Variants in CDH20 observed in about 807,000 individuals in gnomAD.
CDH20 encodes the protein cadherin 20, also known as cadherin-20.
A neutral mutation model predicts 74.2 loss-of-function variants in CDH20; 29 were observed. That is an observed-to-expected ratio of 0.39 (90% CI 0.29 to 0.53). The LOEUF (loss-of-function observed/expected upper bound fraction) is 0.53, where lower values mean the gene tolerates loss of function less well. Among genes scored for constraint, CDH20 ranks in the 20% least tolerant of loss-of-function variants. CDH20 has a pLI of 0.69. For missense variants in CDH20, 988 were observed against 1,048.3 expected (o/e 0.94, Z 0.79); for synonymous variants, 469 against 405.4 (o/e 1.16, Z -1.88).
chr18:61,440,760 C>T (rs1909002332), intron 1 of CDH20, among the ~76,000 whole-genome samples: 1 of 152,138 alleles, frequency 6.6e-6, no homozygotes, highest in South Asian at 2.1e-4. Flanking sequence ...CAGGCTTGTT[C>T]TCATGGTGTG....
Position 61,401,631 on chromosome 18 carries a change from A to G in CDH20, c.-153+67804A>G, listed in dbSNP as rs545981276. ...AGTCTATAAGTAATGTTGATTTTCCATGTTCATTGTTCCTAATGTTGCAGA... is the reference window on the plus strand; with the variant it reads ...AGTCTATAAGTAATGTTGATTTTCCGTGTTCATTGTTCCTAATGTTGCAGA... On this transcript the variant is annotated intron_variant, in intron 1 of 11. Coordinates refer to ENST00000262717, the MANE Select transcript of CDH20 (RefSeq NM_031891.4). Among the ~76,000 whole-genome samples, 14 of 152,338 alleles carry G rather than the reference A, an allele frequency of 9.2e-5. 1 individual carries two copies. The East Asian group carries it at 9.6e-4, about 10-fold the overall frequency.
chr18:61,523,005 G>A (rs1912265153), intron 6 of CDH20, among the ~76,000 whole-genome samples: 1 of 152,108 alleles, frequency 6.6e-6, no homozygotes, highest in Non-Finnish European at 1.5e-5. Flanking sequence ...ATAGGCATGG[G>A]CAAAGGCTTT....
chr18:61,462,197 AAAG>A (rs935252704), intron 1 of CDH20, among the ~76,000 whole-genome samples: 20 of 152,220 alleles, frequency 1.3e-4, no homozygotes, highest in Non-Finnish European at 2.5e-4. Flanking sequence ...TCACCATTAA[AAAG>A]AAGAAGACTG....
chr18:61,384,672 T>C (rs1045260734), intron 1 of CDH20, among the ~76,000 whole-genome samples: 9 of 152,248 alleles, frequency 5.9e-5, no homozygotes, highest in African/African-American at 1.7e-4. Flanking sequence ...ATTCATGGCT[T>C]AGCCCCAAAT....
At chr18:61,390,625 C>T (rs920478129) in intron 1 of CDH20, among the ~76,000 whole-genome samples, 2 of 152,064 alleles carry the variant, frequency 1.3e-5, no homozygotes, top group Non-Finnish European at 2.9e-5. Context: ...GAATCTGGCA[C>T]AGGGGATGAG....
chr18:61,401,058 A>G (rs1436275438), intron 1 of CDH20, among the ~76,000 whole-genome samples: 1 of 152,212 alleles, frequency 6.6e-6, no homozygotes, highest in Non-Finnish European at 1.5e-5. Flanking sequence ...TACCTCTGGC[A>G]TATCAAACTA....
intron 1 of CDH20, among the ~76,000 whole-genome samples, chr18:61,412,710 A>T (rs1269383686): frequency 6.6e-6 from 1 of 152,206 alleles, no homozygotes; most frequent in African/African-American, 2.4e-5. Flanking sequence ...TATTGCTTTA[A>T]ATAGTTCATC....
At chr18:61,426,408 G>A (rs546555972) in intron 1 of CDH20, among the ~76,000 whole-genome samples, 2 of 152,206 alleles carry the variant, frequency 1.3e-5, no homozygotes, top group South Asian at 4.2e-4. Flanking sequence ...AAGCCTTAGG[G>A]GAGAAGGATT....
intron 2 of CDH20, among the ~76,000 whole-genome samples, chr18:61,494,076 G>A (rs1277193071): frequency 1.3e-5 from 2 of 152,208 alleles, no homozygotes; most frequent in African/African-American, 4.8e-5. Flanking sequence ...GCTGTGAGGT[G>A]AGTATAACAC....
chr18:61,381,513 A>G (rs1445210704), intron 1 of CDH20, among the ~76,000 whole-genome samples: 1 of 152,218 alleles, frequency 6.6e-6, no homozygotes, highest in Non-Finnish European at 1.5e-5. Flanking sequence ...CCTTCTTTGA[A>G]TAGAGAGGTA....
intron 6 of CDH20, among the ~76,000 whole-genome samples, chr18:61,523,620 G>A (rs1030783103): frequency 4.6e-5 from 7 of 152,246 alleles, no homozygotes; most frequent in Admixed American, 3.9e-4. Context: ...ACATGCACAC[G>A]TATGTTTATT....
chr18:61,407,449 T>C (rs990315494), intron 1 of CDH20, among the ~76,000 whole-genome samples: 3 of 152,196 alleles, frequency 2.0e-5, no homozygotes, highest in Non-Finnish European at 2.9e-5. Flanking sequence ...TTCCTTCTAT[T>C]TTCAACAACA....
intron 11 of CDH20, among the ~76,000 whole-genome samples, chr18:61,553,406 G>A (rs1411613713): frequency 2.0e-5 from 3 of 152,148 alleles, no homozygotes; most frequent in Admixed American, 6.5e-5. Flanking sequence ...GGGGAAAAAT[G>A]CATTTGTTGG....
At chr18:61,413,325 GA>G (rs148038256) in intron 1 of CDH20, among the ~76,000 whole-genome samples, 10,315 of 152,146 alleles carry the variant, frequency 0.068, 472 homozygotes, top group East Asian at 0.12. Flanking sequence ...CCTGGCCTTG[GA>G]ATGCAATCAT....
At chr18:61,464,211 AG>A (rs1483031840) in intron 1 of CDH20, among the ~76,000 whole-genome samples, 1 of 152,120 alleles carries the variant, frequency 6.6e-6, no homozygotes, top group Non-Finnish European at 1.5e-5. Flanking sequence ...GCTTTATGTA[AG>A]CTCAGAGTTT....
intron 1 of CDH20, among the ~76,000 whole-genome samples, chr18:61,378,605 T>C (rs2144174236): frequency 6.6e-6 from 1 of 152,266 alleles, no homozygotes; most frequent in South Asian, 2.1e-4. Flanking sequence ...AGAAACACCC[T>C]CATGAAGACA....
intron 1 of CDH20, among the ~76,000 whole-genome samples, chr18:61,355,749 AT>A (rs767036445): frequency 6.6e-6 from 1 of 152,238 alleles, no homozygotes; most frequent in Non-Finnish European, 1.5e-5. Flanking sequence ...ATAAAATAAA[AT>A]TAAAAGATTT....
chr18:61,382,476 C>T (rs1317781142), intron 1 of CDH20, among the ~76,000 whole-genome samples: 1 of 152,174 alleles, frequency 6.6e-6, no homozygotes, highest in Non-Finnish European at 1.5e-5. Flanking sequence ...CCACTCTTAA[C>T]ATGGGGAATA....
At chr18:61,339,360 TACAC>T (rs35630137) in intron 1 of CDH20, among the ~76,000 whole-genome samples, 2,842 of 145,892 alleles carry the variant, frequency 0.019, 35 homozygotes, top group South Asian at 0.053. Context: ...GCAAGTTTAT[TACAC>T]ACACACACAC....
Sources: allele counts gnomAD v4.1 joint callset (sites outside exome capture counted in the v4.1 genomes callset), GRCh38; gene constraint gnomAD v4.1.1; transcripts MANE v1.5; gene names NCBI Gene and HGNC (gene_info 2026-07-23, HGNC 2026-07-21).